The following EPC2 variants were observed in gnomAD, a reference collection of about 807,000 sequenced individuals.
The protein encoded by EPC2 is enhancer of polycomb 2, also known as enhancer of polycomb homolog 2.
Under a neutral mutation model 92.1 loss-of-function variants are expected in EPC2, and 14 were observed. That is an observed-to-expected ratio of 0.15 (90% CI 0.10 to 0.24). The LOEUF is 0.24. Among genes scored for constraint, EPC2 ranks in the 10% least tolerant of loss-of-function variants. The pLI, the probability that EPC2 is intolerant of heterozygous loss-of-function variation, is 1.00. For missense variants in EPC2, 755 were observed against 971.5 expected (o/e 0.78, Z 2.96); for synonymous variants, 340 against 334.7 (o/e 1.02, Z -0.17).
Position 148,770,626 on chromosome 2 carries a change from T to A in EPC2, c.1231-166T>A, listed in dbSNP as rs186251689. Among the ~76,000 whole-genome samples, 8 of 152,310 alleles carry A rather than the reference T, an allele frequency of 5.3e-5. No individual in the cohort carries two copies. The East Asian group carries it at 1.5e-3, about 29-fold the overall frequency. ...GAACTTTTGATTCAATTTTGTAAAATTTAACCTGATTAATAGTCAATGAAG... is the reference window on the plus strand; with the variant it reads ...GAACTTTTGATTCAATTTTGTAAAAATTAACCTGATTAATAGTCAATGAAG... On this transcript the variant is annotated intron_variant, in intron 8 of 13. Transcript: ENST00000258484.
chr2:148,651,880 G>A (rs1459539614), intron 1 of EPC2, among the ~76,000 whole-genome samples: 2 of 152,126 alleles, frequency 1.3e-5, no homozygotes, highest in Admixed American at 1.3e-4. Flanking sequence ...TAGAAATTAA[G>A]TAACTCGCCT....
intron 7 of EPC2, among the ~76,000 whole-genome samples, chr2:148,767,197 CAAA>C (rs11364622): frequency 4.2e-4 from 52 of 124,292 alleles, no homozygotes; most frequent in Admixed American, 5.0e-4. Context: ...GACCCTGTTT[CAAA>C]AAAAAAAAAA....
intron 1 of EPC2, among the ~76,000 whole-genome samples, chr2:148,650,253 T>A (rs1680650647): frequency 6.6e-6 from 1 of 152,186 alleles, no homozygotes; most frequent in East Asian, 1.9e-4. Flanking sequence ...AAGAGCTATA[T>A]TTGTGTCTTT....
At chr2:148,747,695 C>T (rs1683011896) in intron 3 of EPC2, among the ~76,000 whole-genome samples, 1 of 152,050 alleles carries the variant, frequency 6.6e-6, no homozygotes, top group Non-Finnish European at 1.5e-5. Context: ...CTTAATGTCC[C>T]TGCAGTATTG....
intron 2 of EPC2, among the ~76,000 whole-genome samples, chr2:148,710,812 C>G (rs1430551443): frequency 6.6e-6 from 1 of 151,978 alleles, no homozygotes; most frequent in Non-Finnish European, 1.5e-5. Context: ...CACTTGGACA[C>G]AGGAAGGGGA....
chr2:148,741,919 A>G (rs1325397972), intron 2 of EPC2, among the ~76,000 whole-genome samples: 1 of 152,216 alleles, frequency 6.6e-6, no homozygotes, highest in Non-Finnish European at 1.5e-5. Flanking sequence ...TATCCTGTGC[A>G]TTTACAAACA....
chr2:148,655,225 A>C (rs1680766572), intron 1 of EPC2, among the ~76,000 whole-genome samples: 1 of 152,190 alleles, frequency 6.6e-6, no homozygotes, highest in Non-Finnish European at 1.5e-5. Context: ...GAATAACCCC[A>C]AAATGCTTCC....
At chr2:148,765,888 C>T (rs769919965) in intron 7 of EPC2, among the ~76,000 whole-genome samples, 20 of 114,120 alleles carry the variant, frequency 1.8e-4, no homozygotes, top group Admixed American at 6.4e-4. Flanking sequence ...CAAAAAAAAT[C>T]AGCCAGGTGT....
In EPC2 at chr2:148,675,964, A is replaced by G. The variant is rs543702023; in HGVS notation, c.154-14250A>G. On this transcript the variant is annotated intron_variant, in intron 1 of 13. Coordinates refer to ENST00000258484, the MANE Select transcript of EPC2 (RefSeq NM_015630.4). ...GGGCATGAACTTGGTAAGATGGAAAAGCGCCAGACAAGGATTCAAATTTCA... is the reference window on the plus strand; with the variant it reads ...GGGCATGAACTTGGTAAGATGGAAAGGCGCCAGACAAGGATTCAAATTTCA... Among the ~76,000 whole-genome samples, 3 of 152,288 alleles carry G rather than the reference A, an allele frequency of 2.0e-5. No homozygotes were observed. In the East Asian group the frequency reaches 5.8e-4, roughly 29 times the overall value.
At chr2:148,657,428 T>G (rs192531217) in intron 1 of EPC2, among the ~76,000 whole-genome samples, 28 of 152,210 alleles carry the variant, frequency 1.8e-4, no homozygotes, top group African/African-American at 6.7e-4. Flanking sequence ...TTCTCAAGCT[T>G]TAGCATGCTT....
At chr2:148,704,017 GA>G (rs1477524323) in intron 2 of EPC2, among the ~76,000 whole-genome samples, 1 of 152,162 alleles carries the variant, frequency 6.6e-6, no homozygotes, top group African/African-American at 2.4e-5. Context: ...ATTGAAGATA[GA>G]CTTACCATGT....
intron 2 of EPC2, among the ~76,000 whole-genome samples, chr2:148,709,768 T>C (rs948038577): frequency 6.6e-6 from 1 of 152,196 alleles, no homozygotes; most frequent in Non-Finnish European, 1.5e-5. Context: ...ATTTAATAAA[T>C]GGTGCTGGGA....
intron 2 of EPC2, among the ~76,000 whole-genome samples, chr2:148,711,105 CT>C (rs200421207): frequency 6.6e-6 from 1 of 150,962 alleles, no homozygotes; most frequent in African/African-American, 2.4e-5. Flanking sequence ...AATTTCTCCT[CT>C]TTTTTTTTCT....
chr2:148,725,459 C>T (rs912672471), intron 2 of EPC2, among the ~76,000 whole-genome samples: 1 of 152,030 alleles, frequency 6.6e-6, no homozygotes, highest in Admixed American at 6.6e-5. Context: ...TTCTTTACTT[C>T]TGAGTACTTC....
chr2:148,650,558 A>G (rs1383345824), intron 1 of EPC2, among the ~76,000 whole-genome samples: 1 of 152,078 alleles, frequency 6.6e-6, no homozygotes, highest in Non-Finnish European at 1.5e-5. Flanking sequence ...CATGTGATTC[A>G]CCTTATTTTT....
chr2:148,729,491 A>C (rs1682575569), intron 2 of EPC2, among the ~76,000 whole-genome samples: 1 of 152,146 alleles, frequency 6.6e-6, no homozygotes, highest in Non-Finnish European at 1.5e-5. Flanking sequence ...CCCAGACTTT[A>C]CTTGAATTTC....
intron 2 of EPC2, among the ~76,000 whole-genome samples, chr2:148,724,966 A>G (rs1033759271): frequency 7.9e-5 from 12 of 152,072 alleles, no homozygotes; most frequent in Non-Finnish European, 1.6e-4. Flanking sequence ...CTTTATTATT[A>G]GATGGTTATG....
At chr2:148,690,777 T>A (rs991080145) in intron 2 of EPC2, among the ~76,000 whole-genome samples, 1 of 152,048 alleles carries the variant, frequency 6.6e-6, no homozygotes, top group Non-Finnish European at 1.5e-5. Flanking sequence ...ATTCTCCTGC[T>A]TCAGCCTACT....
At chr2:148,726,199 A>G (rs773787088) in intron 2 of EPC2, among the ~76,000 whole-genome samples, 1 of 152,170 alleles carries the variant, frequency 6.6e-6, no homozygotes, top group Non-Finnish European at 1.5e-5. Flanking sequence ...TAATTGGTCC[A>G]TGGACATTTG....
Sources: allele counts gnomAD v4.1 joint callset (sites outside exome capture counted in the v4.1 genomes callset), GRCh38; gene constraint gnomAD v4.1.1; transcripts MANE v1.5; gene names NCBI Gene and HGNC (gene_info 2026-07-23, HGNC 2026-07-21).